Variants in POGLUT1 observed in about 807,000 individuals in gnomAD.
The protein encoded by POGLUT1 is protein O-glucosyltransferase 1.
In POGLUT1, 32 loss-of-function variants were observed where a neutral mutation model predicts 61.3. The ratio of observed to expected loss-of-function variants is 0.52; its 90% CI spans 0.39 to 0.70. The LOEUF is 0.70. POGLUT1 is among the 30% of genes least tolerant of loss of function. The pLI, the probability that POGLUT1 is intolerant of heterozygous loss-of-function variation, is 0.00. For synonymous variants in POGLUT1, 158 were observed against 158.2 expected, an observed-to-expected ratio of 1.00 and a Z score of 0.01; for missense variants, 411 against 469.8, an observed-to-expected ratio of 0.87 and a Z score of 1.16.
At chr3:119,477,221 C>T (rs954000273) in intron 3 of POGLUT1, 92 bp from the exon 4 acceptor site, 10 of 1,237,914 alleles carry the variant, frequency 8.1e-6, no homozygotes, top group Middle Eastern at 1.9e-4. Context: ...GGAACACTGG[C>T]TTGTCTTACT....
At chr3:119,483,875 T>C (rs2081634306) in intron 5 of POGLUT1, among the ~76,000 whole-genome samples, 1 of 152,182 alleles carries the variant, frequency 6.6e-6, no homozygotes, top group African/African-American at 2.4e-5. Flanking sequence ...TTACCCCCAG[T>C]TGAAAGCTAC....
Position 119,477,317 on chromosome 3 carries a change from A to G in POGLUT1, c.325A>G (p.Ser109Gly), listed in dbSNP as rs545259436. 1 of 1,614,034 alleles carries G rather than the reference A, an allele frequency of 6.2e-7. No homozygotes were observed. The highest frequency in any genetic ancestry group is 1.1e-5 in the South Asian group (1 of 91,080). The change falls in exon 4 of 11, where the codon AGT (serine) becomes GGT (glycine). Residue 109 changes from serine (S) to glycine (G), a missense_variant. Ser to Gly is a moderately conservative substitution (Grantham distance 56). Coordinates refer to ENST00000295588, the MANE Select transcript of POGLUT1 (RefSeq NM_152305.3). Reference sequence around the variant, plus strand: ...TATGGTATGTCTGGTTGACAGGTGTAGTGGTGTTGAGCACTTTATTTTGGA... The same window carrying G: ...TATGGTATGTCTGGTTGACAGGTGTGGTGGTGTTGAGCACTTTATTTTGGA... ...ENDCMFPSRC[S>G]GVEHFILEVI... is the part of the protein sequence containing the mutation.
intron 4 of POGLUT1, among the ~76,000 whole-genome samples, chr3:119,477,892 G>C (rs914048165): frequency 3.9e-5 from 6 of 152,338 alleles, no homozygotes; most frequent in South Asian, 2.1e-4. Context: ...GGGGGCCCAG[G>C]GTGGCTAAAA....
Position 119,493,775 on chromosome 3 carries a change from C to T in POGLUT1, c.*1337C>T, listed in dbSNP as rs2081781489. The T allele has an allele frequency of 6.8e-6, 1 of 147,090 alleles. No individual in the cohort carries two copies. The highest frequency in any genetic ancestry group is 6.7e-5 in the Admixed American group (1 of 14,916). 9.1% of individuals were successfully genotyped at this position (147,090 alleles called of 1,614,324 possible). A position where few individuals can be genotyped will look rare whatever the true frequency, so the allele number is the denominator to read the frequency against. On this transcript the variant is annotated 3_prime_UTR_variant, in exon 11 of 11. Coordinates refer to ENST00000295588, the MANE Select transcript of POGLUT1 (RefSeq NM_152305.3). Reference sequence around the variant, plus strand: ...TTGAGCATGCCTGGCAAGATCATTTCATGGAATAAGCAGATGTTTAAAGTT... The same window carrying T: ...TTGAGCATGCCTGGCAAGATCATTTTATGGAATAAGCAGATGTTTAAAGTT...
chr3:119,481,085 C>T (rs2081601297), intron 5 of POGLUT1, among the ~76,000 whole-genome samples: 1 of 151,848 alleles, frequency 6.6e-6, no homozygotes, highest in African/African-American at 2.4e-5. Flanking sequence ...AATAAGAGTG[C>T]ATTCTTTCAT....
chr3:119,486,961 C>A, intron 7 of POGLUT1, 29 bp downstream of exon 7: 1 of 1,342,218 alleles, frequency 7.5e-7, no homozygotes, highest in Non-Finnish European at 1.1e-6. Flanking sequence ...ACTAGAACTA[C>A]AGCAGTGAAC....
chr3:119,490,162 A>C (rs1683570538), intron 8 of POGLUT1: 1 of 175,954 alleles, frequency 5.7e-6, no homozygotes, highest in Non-Finnish European at 1.2e-5. Context: ...AAGCTTGTGA[A>C]ATTTTTTTCA....
chr3:119,482,596 T>C (rs1242323752), intron 5 of POGLUT1, among the ~76,000 whole-genome samples: 1 of 152,226 alleles, frequency 6.6e-6, no homozygotes, highest in Non-Finnish European at 1.5e-5. Context: ...TTTGATACCT[T>C]CCCATTTTAT....
intron 10 of POGLUT1, among the ~76,000 whole-genome samples, chr3:119,491,911 G>C (rs922479497): frequency 2.0e-5 from 3 of 152,076 alleles, no homozygotes; most frequent in Non-Finnish European, 4.4e-5. Context: ...AAAATTAGCC[G>C]GGTGTGGTGG....
rs780641021 is a variant in POGLUT1 at position 119,485,318 on chromosome 3, A to G, written c.579-10A>G. 38 of 1,555,436 alleles carry G rather than the reference A, an allele frequency of 2.4e-5. No homozygotes were observed. The East Asian group carries it at 4.3e-4, about 17-fold the overall frequency. On this transcript the variant is annotated splice_polypyrimidine_tract_variant and intron_variant, in intron 5 of 10. Transcript: ENST00000295588. ...GATATATTGAAACTAATTAAATTCT[A>G]TATTCTTAGGTCAGCAGCACAGTGG...
In POGLUT1 at chr3:119,492,280, A is replaced by C. The variant is rs150029976; in HGVS notation, c.1023-2A>C. 1 of 1,594,630 alleles carries C rather than the reference A, an allele frequency of 6.3e-7. No homozygotes were observed. Among genetic ancestry groups the C allele is most frequent in the Non-Finnish European group, 8.5e-7 (1 of 1,171,432 alleles). On this transcript the variant is annotated splice_acceptor_variant, in intron 10 of 10. Coordinates refer to ENST00000295588, the MANE Select transcript of POGLUT1 (RefSeq NM_152305.3). LOFTEE classifies it high-confidence loss of function. ...CATTTTCTTGTTAAATCTTGTCTCT[A>C]GGGGAAGCCAGTTTATTAGGAACCA...
chr3:119,474,848 AAAATT>A (rs1379876662), intron 3 of POGLUT1, among the ~76,000 whole-genome samples: 3 of 152,168 alleles, frequency 2.0e-5, no homozygotes, highest in Admixed American at 1.3e-4. Flanking sequence ...TCAAAAAATA[AAAATT>A]AAATTAAACT....
chr3:119,473,517 A>G (rs1490197078), intron 3 of POGLUT1, among the ~76,000 whole-genome samples: 1 of 152,226 alleles, frequency 6.6e-6, no homozygotes, highest in Non-Finnish European at 1.5e-5. Flanking sequence ...CTAGCTACAT[A>G]TACAACTAAG....
intron 1 of POGLUT1, among the ~76,000 whole-genome samples, chr3:119,469,532 T>A (rs1171080275): frequency 6.6e-6 from 1 of 152,194 alleles, no homozygotes; most frequent in South Asian, 2.1e-4. Context: ...TCAATTTGAT[T>A]AGTAGAAAGT....
chr3:119,487,664 A>T (rs2081683506), intron 7 of POGLUT1, among the ~76,000 whole-genome samples: 1 of 152,226 alleles, frequency 6.6e-6, no homozygotes, highest in African/African-American at 2.4e-5. Context: ...ATGTAATTTT[A>T]AGTTGTCATA....
At chr3:119,484,549 T>C (rs962001420) in intron 5 of POGLUT1, among the ~76,000 whole-genome samples, 5 of 152,226 alleles carry the variant, frequency 3.3e-5, no homozygotes, top group Non-Finnish European at 5.9e-5. Flanking sequence ...AATACAAAGG[T>C]GCTTTTCAAA....
intron 5 of POGLUT1, among the ~76,000 whole-genome samples, chr3:119,482,795 T>C (rs902071693): frequency 3.3e-5 from 5 of 152,342 alleles, no homozygotes; most frequent in Middle Eastern, 6.8e-3. Flanking sequence ...TGCCCACTGA[T>C]TTATATTTCA....
chr3:119,486,679 C>T (rs750619987), intron 6 of POGLUT1, among the ~76,000 whole-genome samples, 154 bp from the exon 7 acceptor site: 4 of 152,172 alleles, frequency 2.6e-5, no homozygotes, highest in Non-Finnish European at 5.9e-5. Context: ...TGCTGCAGTA[C>T]CCAGTATACC....
At chr3:119,484,580 C>T (rs2081644136) in intron 5 of POGLUT1, among the ~76,000 whole-genome samples, 1 of 152,224 alleles carries the variant, frequency 6.6e-6, no homozygotes, top group African/African-American at 2.4e-5. Flanking sequence ...AATCTGATGA[C>T]ACTTCCCACC....
Sources: gnomAD v4.1 joint callset for allele counts (sites outside exome capture counted in the v4.1 genomes callset) on GRCh38, gnomAD v4.1.1 for gene constraint, MANE v1.5 for transcripts, NCBI Gene and HGNC (gene_info 2026-07-23, HGNC 2026-07-21) for gene names.